The following SLC44A5 variants were observed in gnomAD, a reference collection of about 807,000 sequenced individuals.
SLC44A5 encodes solute carrier family 44 member 5.
In SLC44A5, 57 loss-of-function variants were observed where a neutral mutation model predicts 101.8. The observed-to-expected ratio is 0.56, with a 90% CI of 0.45 to 0.70. SLC44A5 has a LOEUF of 0.70. SLC44A5 is among the 30% of genes least tolerant of loss of function. The probability of loss-of-function intolerance (pLI) is 0.00; values close to 1 mark genes in which losing one functional copy is unlikely to be tolerated. For missense variants in SLC44A5, 737 were observed against 853.1 expected (o/e 0.86, Z 1.70); for synonymous variants, 281 against 290.9 (o/e 0.97, Z 0.35).
At chr1:75,569,636 CATT>C (rs1672969957) in intron 1 of SLC44A5, among the ~76,000 whole-genome samples, 1 of 151,892 alleles carries the variant, frequency 6.6e-6, no homozygotes, top group African/African-American at 2.4e-5. Context: ...ACGTATAACT[CATT>C]ATTCTACTCT....
chr1:75,307,166 G>C (rs1203381597), intron 4 of SLC44A5, among the ~76,000 whole-genome samples: 1 of 152,160 alleles, frequency 6.6e-6, no homozygotes, highest in Non-Finnish European at 1.5e-5. Context: ...ATCCGTTTGT[G>C]CCTAATGAAT....
At chr1:75,655,636 G>A in the SLC44A5 span, among the ~76,000 whole-genome samples, 8 of 152,268 alleles carry the variant, frequency 5.3e-5, no homozygotes, top group Non-Finnish European at 8.8e-5. Flanking sequence ...GGGCAATGCA[G>A]CACAGAGAGA....
the SLC44A5 span, among the ~76,000 whole-genome samples, chr1:75,667,842 A>G: frequency 1.3e-5 from 2 of 151,850 alleles, no homozygotes; most frequent in Non-Finnish European, 2.9e-5. Context: ...AAAACTGATT[A>G]AACAGATGGA....
the SLC44A5 span, among the ~76,000 whole-genome samples, chr1:75,722,751 T>C: frequency 6.6e-6 from 1 of 152,212 alleles, no homozygotes; most frequent in South Asian, 2.1e-4. Flanking sequence ...TAAGTTATCA[T>C]TTCTACGTTC....
intron 3 of SLC44A5, among the ~76,000 whole-genome samples, chr1:75,353,470 T>C (rs183561966): frequency 1.3e-5 from 2 of 152,336 alleles, no homozygotes; most frequent in East Asian, 3.9e-4. Flanking sequence ...GTTTTGTTCA[T>C]TACTGTATGC....
chr1:75,547,166 G>A (rs1395542621), intron 1 of SLC44A5, among the ~76,000 whole-genome samples: 1 of 152,080 alleles, frequency 6.6e-6, no homozygotes, highest in African/African-American at 2.4e-5. Flanking sequence ...ACCTGTGCAG[G>A]AGACCATCCA....
At chr1:75,361,591 C>A (rs2101117306) in intron 3 of SLC44A5, among the ~76,000 whole-genome samples, 1 of 152,146 alleles carries the variant, frequency 6.6e-6, no homozygotes, top group South Asian at 2.1e-4. Context: ...TTTTGTGCAT[C>A]TATTGAGATA....
At chr1:75,281,651 C>A (rs1020505525) in intron 5 of SLC44A5, among the ~76,000 whole-genome samples, 1 of 84,836 alleles carries the variant, frequency 1.2e-5, no homozygotes, top group East Asian at 6.5e-4. Flanking sequence ...CCCCCCCCCC[C>A]GCTGCATTTA....
At chr1:75,392,789 T>C (rs1249821) in intron 3 of SLC44A5, among the ~76,000 whole-genome samples, 96,180 of 152,090 alleles carry the variant, frequency 0.63, 32,077 homozygotes, top group East Asian at 0.96. Context: ...AAAGAAACTG[T>C]GGTACATATA....
chr1:75,287,411 T>C (rs1302115049), intron 5 of SLC44A5, among the ~76,000 whole-genome samples: 12 of 147,462 alleles, frequency 8.1e-5, no homozygotes, highest in Non-Finnish European at 1.5e-5. Flanking sequence ...AGCTTAATAA[T>C]TGACCTTCTG....
chr1:75,443,170 T>C (rs966885904), intron 2 of SLC44A5, among the ~76,000 whole-genome samples: 3 of 152,184 alleles, frequency 2.0e-5, no homozygotes, highest in African/African-American at 7.2e-5. Flanking sequence ...GCTAAACCTG[T>C]AGCCTTACAT....
chr1:75,650,986 A>G, the SLC44A5 span, among the ~76,000 whole-genome samples: 4 of 152,216 alleles, frequency 2.6e-5, no homozygotes, highest in African/African-American at 9.6e-5. Flanking sequence ...GATACTTCCC[A>G]GATGACCACT....
the SLC44A5 span, among the ~76,000 whole-genome samples, chr1:75,651,696 CAAAAAAAA>C: frequency 1.4e-5 from 1 of 70,152 alleles, no homozygotes; most frequent in Non-Finnish European, 2.8e-5. Flanking sequence ...GACTCTGTCT[CAAAAAAAA>C]AAAAAAAAAA....
intron 1 of SLC44A5, among the ~76,000 whole-genome samples, chr1:75,564,599 T>TA (rs1557912409): frequency 2.0e-5 from 3 of 148,998 alleles, no homozygotes; most frequent in Non-Finnish European, 3.0e-5. Flanking sequence ...ACTTTTTTTT[T>TA]AATTTTTATT....
the SLC44A5 span, among the ~76,000 whole-genome samples, chr1:75,658,324 C>T: frequency 7.2e-5 from 11 of 152,084 alleles, no homozygotes; most frequent in African/African-American, 2.2e-4. Flanking sequence ...AATCCTCCCA[C>T]CTCAGCCTAC....
At chr1:75,477,393 A>C (rs1055921232) in intron 2 of SLC44A5, among the ~76,000 whole-genome samples, 3 of 152,248 alleles carry the variant, frequency 2.0e-5, no homozygotes, top group Non-Finnish European at 2.9e-5. Context: ...CAACGGAACA[A>C]AGCTGTACGG....
At chr1:75,648,340 T>G in the SLC44A5 span, among the ~76,000 whole-genome samples, 4 of 152,174 alleles carry the variant, frequency 2.6e-5, no homozygotes, top group African/African-American at 9.7e-5. Context: ...CTTTATAAAT[T>G]ACCCAGTTTT....
At chr1:75,338,692 A>C (rs952503891) in intron 4 of SLC44A5, among the ~76,000 whole-genome samples, 7 of 152,216 alleles carry the variant, frequency 4.6e-5, no homozygotes, top group Non-Finnish European at 1.0e-4. Context: ...GAGTAACCTG[A>C]AACAAATGAC....
chr1:75,609,363 G>A (rs1675517743), intron 1 of SLC44A5, among the ~76,000 whole-genome samples: 2 of 151,894 alleles, frequency 1.3e-5, no homozygotes, highest in African/African-American at 4.8e-5. Context: ...GAAACCTGAT[G>A]TTTTGATATA....
Sources: allele counts gnomAD v4.1 joint callset (sites outside exome capture counted in the v4.1 genomes callset), GRCh38; gene constraint gnomAD v4.1.1; transcripts MANE v1.5; gene names NCBI Gene and HGNC (gene_info 2026-07-23, HGNC 2026-07-21).